Variants in RANBP2 observed in about 807,000 individuals in gnomAD.
The protein encoded by RANBP2 is E3 SUMO-protein ligase RanBP2.
In RANBP2, 57 loss-of-function variants were observed where a neutral mutation model predicts 303.6. The ratio of observed to expected loss-of-function variants is 0.19; its 90% CI spans 0.15 to 0.23. The LOEUF is 0.23. RANBP2 is among the 10% of genes least tolerant of loss of function. RANBP2 has a pLI of 1.00. For missense variants in RANBP2, 3,138 were observed against 3,780.8 expected (o/e 0.83, Z 4.46); for synonymous variants, 1,167 against 1,301.5 (o/e 0.90, Z 2.23).
the RANBP2 span, among the ~76,000 whole-genome samples, chr2:109,276,494 G>A: frequency 3.3e-5 from 5 of 152,268 alleles, no homozygotes; most frequent in African/African-American, 1.2e-4. Flanking sequence ...CTGCATGGAA[G>A]GCCTTGTTCA....
At chr2:108,964,094 TTA>T in the RANBP2 span, among the ~76,000 whole-genome samples, 2 of 152,302 alleles carry the variant, frequency 1.3e-5, no homozygotes, top group African/African-American at 4.8e-5. Flanking sequence ...TCTACTTAAT[TTA>T]AATTTAAACA....
At chr2:108,728,836 G>C (rs2149096789) in intron 1 of RANBP2, among the ~76,000 whole-genome samples, 1 of 152,152 alleles carries the variant, frequency 6.6e-6, no homozygotes, top group East Asian at 1.9e-4. Context: ...TCAAGACGGG[G>C]TTTCACCATG....
At chr2:109,141,108 C>T in the RANBP2 span, among the ~76,000 whole-genome samples, 19 of 152,272 alleles carry the variant, frequency 1.2e-4, no homozygotes, top group South Asian at 6.2e-4. Context: ...TCATTTTAGT[C>T]GACTTCATCC....
intron 3 of RANBP2, 124 bp from the exon 4 acceptor site, chr2:108,731,198 T>G: frequency 6.9e-7 from 1 of 1,440,228 alleles, no homozygotes; most frequent in African/African-American, 1.4e-5. Flanking sequence ...ACATGTTTTC[T>G]CTAGAAGTAG....
the RANBP2 span, among the ~76,000 whole-genome samples, chr2:109,604,598 G>A: frequency 1.3e-5 from 2 of 151,610 alleles, no homozygotes; most frequent in Non-Finnish European, 2.9e-5. Flanking sequence ...ATGGTGGCGG[G>A]TGCCTGTAGT....
chr2:109,052,288 A>C, the RANBP2 span, among the ~76,000 whole-genome samples: 1 of 152,194 alleles, frequency 6.6e-6, no homozygotes, highest in African/African-American at 2.4e-5. Flanking sequence ...AAGTCCTTCA[A>C]ATTTAAGCTT....
the RANBP2 span, among the ~76,000 whole-genome samples, chr2:109,698,671 A>G: frequency 6.8e-6 from 1 of 146,852 alleles, no homozygotes; most frequent in South Asian, 2.1e-4. Flanking sequence ...CACAATTTTT[A>G]CCTTCTTTGC....
the RANBP2 span, among the ~76,000 whole-genome samples, chr2:109,078,266 GCGTATATATATATA>G: frequency 0.041 from 2,255 of 54,838 alleles, 272 homozygotes; most frequent in African/African-American, 0.15. Flanking sequence ...TATATATAGC[GCGTATATATATATA>G]TATATATATA....
At chr2:109,062,374 A>G in the RANBP2 span, among the ~76,000 whole-genome samples, 1 of 152,164 alleles carries the variant, frequency 6.6e-6, no homozygotes, top group African/African-American at 2.4e-5. Flanking sequence ...TCTGAGGAAG[A>G]GACACACCCT....
At chr2:109,121,202 G>A in the RANBP2 span, among the ~76,000 whole-genome samples, 4 of 151,978 alleles carry the variant, frequency 2.6e-5, no homozygotes, top group African/African-American at 7.3e-5. Context: ...AGCTGAGATC[G>A]CACCACTGCA....
At chr2:108,822,295 C>T in the RANBP2 span, among the ~76,000 whole-genome samples, 1 of 151,922 alleles carries the variant, frequency 6.6e-6, no homozygotes, top group African/African-American at 2.4e-5. Flanking sequence ...CATCAGACTT[C>T]TAAAATATTA....
Position 108,762,088 on chromosome 2 carries a change from T to C in RANBP2, c.2603-13T>C. 2 of 1,596,872 alleles carry C rather than the reference T, an allele frequency of 1.3e-6. No individual in the cohort carries two copies. The highest frequency in any genetic ancestry group is 1.7e-6 in the Non-Finnish European group (2 of 1,179,390). Reference sequence around the variant, plus strand: ...TTAACAGTGTTTTCTTTATTTTCTTTTTGTTTTTTTAGTTGCAACTACTGG... The same window carrying C: ...TTAACAGTGTTTTCTTTATTTTCTTCTTGTTTTTTTAGTTGCAACTACTGG... On this transcript the variant is annotated splice_polypyrimidine_tract_variant and intron_variant, in intron 18 of 28. Coordinates refer to ENST00000283195, the MANE Select transcript of RANBP2 (RefSeq NM_006267.5).
At chr2:109,165,086 C>G in the RANBP2 span, among the ~76,000 whole-genome samples, 7 of 152,322 alleles carry the variant, frequency 4.6e-5, no homozygotes, top group African/African-American at 1.2e-4. Context: ...ATTCTGTGTT[C>G]TTACTCCCAG....
chr2:108,872,661 G>T, the RANBP2 span, among the ~76,000 whole-genome samples: 2 of 152,118 alleles, frequency 1.3e-5, no homozygotes, highest in Non-Finnish European at 2.9e-5. Flanking sequence ...GAGGACAAGA[G>T]GGCAAGAGAG....
chr2:108,768,674 A>C (rs979012503), intron 20 of RANBP2, among the ~76,000 whole-genome samples: 3 of 152,158 alleles, frequency 2.0e-5, no homozygotes, highest in African/African-American at 7.2e-5. Flanking sequence ...AATCATGCAC[A>C]TTAACGTGAG....
chr2:109,209,028 G>A, the RANBP2 span, among the ~76,000 whole-genome samples: 1 of 152,212 alleles, frequency 6.6e-6, no homozygotes, highest in Non-Finnish European at 1.5e-5. Context: ...CAGAGTGGCA[G>A]TGCTGGCCCC....
At chr2:109,068,467 C>T in the RANBP2 span, among the ~76,000 whole-genome samples, 1 of 152,238 alleles carries the variant, frequency 6.6e-6, no homozygotes, top group African/African-American at 2.4e-5. Flanking sequence ...ACATCTCCAG[C>T]ACCCAGAACA....
chr2:108,906,182 C>G, the RANBP2 span: 1 of 959,878 alleles, frequency 1.0e-6, no homozygotes, highest in Non-Finnish European at 1.7e-6. Flanking sequence ...GCCATTCTGA[C>G]CAAAGTGCGG....
chr2:108,920,669 T>C, the RANBP2 span, among the ~76,000 whole-genome samples: 1 of 152,228 alleles, frequency 6.6e-6, no homozygotes, highest in Non-Finnish European at 1.5e-5. Flanking sequence ...CCTCTTTGGT[T>C]TCCCTCTCAT....
Sources: allele counts gnomAD v4.1 joint callset (sites outside exome capture counted in the v4.1 genomes callset), GRCh38; gene constraint gnomAD v4.1.1; transcripts MANE v1.5; gene names NCBI Gene and HGNC (gene_info 2026-07-23, HGNC 2026-07-21).